Variants in PRDM16 observed in about 807,000 individuals in gnomAD.
PRDM16 encodes histone-lysine N-methyltransferase PRDM16.
In PRDM16, 23 loss-of-function variants were observed where a neutral mutation model predicts 110.6. That is an observed-to-expected ratio of 0.21 (90% CI 0.15 to 0.29). The LOEUF (loss-of-function observed/expected upper bound fraction) is 0.29. Among genes scored for constraint, PRDM16 ranks in the 10% least tolerant of loss-of-function variants. The probability of loss-of-function intolerance (pLI) is 1.00; values close to 1 mark genes in which losing one functional copy is unlikely to be tolerated. For synonymous variants in PRDM16, 799 were observed against 781.8 expected, an observed-to-expected ratio of 1.02 and a Z score of -0.37; for missense variants, 1,615 against 1,794.3, an observed-to-expected ratio of 0.90 and a Z score of 1.81.
intron 12 of PRDM16, among the ~76,000 whole-genome samples, chr1:3,420,815 G>A (rs982446228): frequency 1.3e-5 from 2 of 152,178 alleles, no homozygotes; most frequent in South Asian, 4.1e-4. Flanking sequence ...ATTGAACTGG[G>A]AGTGGGGAGA....
rs1642536244 is a variant in PRDM16 at position 3,353,562 on chromosome 1, G to A, written c.439-31590G>A. On this transcript the variant is annotated intron_variant, in intron 3 of 16. Coordinates refer to ENST00000270722, the MANE Select transcript of PRDM16 (RefSeq NM_022114.4). The surrounding 1 kb of genome is among the most constrained non-coding windows in gnomAD (Gnocchi z 5.4). ...CCGTTACACTCCAGCCAAGTACTGGGGGCCACGGGCTGAGGGCACAGGCCA... is the reference window on the plus strand; with the variant it reads ...CCGTTACACTCCAGCCAAGTACTGGAGGCCACGGGCTGAGGGCACAGGCCA... Among the ~76,000 whole-genome samples, 1 of 152,190 alleles carries A rather than the reference G, an allele frequency of 6.6e-6. No individual in the cohort carries two copies. Among genetic ancestry groups the A allele is most frequent in the African/African-American group, 2.4e-5 (1 of 41,460 alleles).
chr1:3,086,917 A>G (rs535460896), intron 1 of PRDM16, among the ~76,000 whole-genome samples: 28 of 152,296 alleles, frequency 1.8e-4, no homozygotes, highest in Admixed American at 1.4e-3. Flanking sequence ...GAATTCCGCA[A>G]TCTAAACATG....
chr1:3,422,687 G>A (rs1408131033), intron 12 of PRDM16, among the ~76,000 whole-genome samples: 5 of 152,256 alleles, frequency 3.3e-5, no homozygotes, highest in African/African-American at 9.6e-5. Context: ...GGGACACGTC[G>A]GGTAGGGGGG....
rs376891320 is a variant in PRDM16 at position 3,411,594 on chromosome 1, G to T, written c.1397G>T (p.Ser466Ile). The T allele has an allele frequency of 6.8e-6, 11 of 1,613,934 alleles. No homozygotes were observed. Among genetic ancestry groups the T allele is most frequent in the Non-Finnish European group, 9.3e-6 (11 of 1,180,004 alleles). The change falls in exon 9 of 17, where the codon AGC becomes ATC. Residue 466 changes from serine to isoleucine, a missense_variant. By Grantham distance (142) the Ser-to-Ile change is moderately radical. Around this residue, in one of 5 missense-constraint regions of PRDM16, gnomAD observed 772 missense variants for 748.3 expected, o/e 1.03. Coordinates refer to ENST00000270722, the MANE Select transcript of PRDM16 (RefSeq NM_022114.4). ...GCCCCGGGCCTGCCCTTGACCCCCA[G>T]CCCCATGATGGACAAGGCAAAACCC... The part of the protein sequence containing the change: ...IFAPGLPLTP[S>I]PMMDKAKPSP...
chr1:3,303,714 C>T (rs1354391297), intron 3 of PRDM16, among the ~76,000 whole-genome samples: 1 of 152,254 alleles, frequency 6.6e-6, no homozygotes, highest in Admixed American at 6.5e-5. Context: ...CACATCCTTG[C>T]AGACGCCCGC....
At chr1:3,405,990 C>G (rs946423634) in intron 8 of PRDM16, among the ~76,000 whole-genome samples, 20 of 152,174 alleles carry the variant, frequency 1.3e-4, no homozygotes, top group Non-Finnish European at 2.4e-4. Context: ...TCCCGTCCCC[C>G]GAACTCACTC....
chr1:3,250,586 C>T (rs1569926743), intron 3 of PRDM16, among the ~76,000 whole-genome samples: 1 of 152,246 alleles, frequency 6.6e-6, no homozygotes, highest in Non-Finnish European at 1.5e-5. Flanking sequence ...AGCTAATTAC[C>T]GTCCTATGCA....
rs542901684 is a variant in PRDM16, at chr1:3,122,253, G to A, written c.37+52957G>A. On this transcript the variant is annotated intron_variant, in intron 1 of 16. Coordinates refer to ENST00000270722, the MANE Select transcript of PRDM16 (RefSeq NM_022114.4). ...GTGCCCCTTCTAACAATTTCTAATC[G>A]ACCCTTGAGATGCTGGGCCCTCGAC... 4.6e-5 allele frequency among the ~76,000 whole-genome samples: 7 copies of A among 152,124 alleles called. No individual in the cohort carries two copies. In the South Asian group the frequency reaches 1.0e-3, roughly 23 times the overall value.
chr1:3,186,671 T>G, intron 2 of PRDM16, 197 bp downstream of exon 2: 1 of 525,992 alleles, frequency 1.9e-6, no homozygotes, highest in South Asian at 3.1e-5. Context: ...TCCTCGTGGG[T>G]GCCTGTCAGC....
At chr1:3,250,225 C>G (rs1334527272) in intron 3 of PRDM16, among the ~76,000 whole-genome samples, 1 of 151,820 alleles carries the variant, frequency 6.6e-6, no homozygotes, top group Non-Finnish European at 1.5e-5. Context: ...AGAAATCAGG[C>G]CTGAGGGAGG....
chr1:3,267,174 A>G (rs1309262472), intron 3 of PRDM16, among the ~76,000 whole-genome samples: 1 of 152,050 alleles, frequency 6.6e-6, no homozygotes, highest in Non-Finnish European at 1.5e-5. Context: ...AGCCACGCCC[A>G]TCCCCTCTCT....
At position 3,425,323 on chromosome 1, in the gene PRDM16, C is replaced by A. The variant is rs1400512358; in HGVS notation, c.2940-258C>A. The A allele has an allele frequency of 1.4e-5, 5 of 345,574 alleles. No homozygotes were observed. Among genetic ancestry groups the A allele is most frequent in the Non-Finnish European group, 1.6e-5 (3 of 187,886 alleles). The allele number at this position is 345,574 out of a possible 1,614,324, so 21.4% of individuals were successfully genotyped here. On this transcript the variant is annotated intron_variant, in intron 12 of 16. Transcript: ENST00000270722. The surrounding 1 kb of genome is among the most constrained non-coding windows in gnomAD (Gnocchi z 6.9). The stretch of plus-strand genomic sequence containing the variant: ...TCGATCTCCTGACCTCGTGATCCAC[C>A]CGCCTTGGCCTCCCAAAGTGCTGTG...
chr1:3,401,389 T>C (rs921469481), intron 5 of PRDM16, among the ~76,000 whole-genome samples: 1 of 152,216 alleles, frequency 6.6e-6, no homozygotes, highest in Non-Finnish European at 1.5e-5. Context: ...CTCTGCTCAA[T>C]GCTGGGCACT....
intron 1 of PRDM16, among the ~76,000 whole-genome samples, chr1:3,073,900 C>G (rs1046486894): frequency 1.3e-5 from 2 of 152,180 alleles, no homozygotes; most frequent in Non-Finnish European, 2.9e-5. Context: ...TCCCCAACCG[C>G]CGACCCTCGA....
chr1:3,106,162 TG>T (rs1215119347), intron 1 of PRDM16, among the ~76,000 whole-genome samples: 4 of 137,308 alleles, frequency 2.9e-5, no homozygotes, highest in Non-Finnish European at 6.4e-5. Context: ...GGGCGGGGTA[TG>T]GGGGGAAGCC....
intron 3 of PRDM16, among the ~76,000 whole-genome samples, chr1:3,275,450 A>C (rs1640561354): frequency 6.6e-6 from 1 of 152,130 alleles, no homozygotes; most frequent in African/African-American, 2.4e-5. Context: ...CCCAAGATGA[A>C]AGGGCAAGGA....
At chr1:3,325,632 G>A (rs1641871422) in intron 3 of PRDM16, among the ~76,000 whole-genome samples, 1 of 152,234 alleles carries the variant, frequency 6.6e-6, no homozygotes, top group Admixed American at 6.5e-5. Flanking sequence ...CAGTTCTACA[G>A]ACCCGAAGCC....
At chr1:3,086,729 G>T (rs1274533611) in intron 1 of PRDM16, among the ~76,000 whole-genome samples, 1 of 152,210 alleles carries the variant, frequency 6.6e-6, no homozygotes, top group Non-Finnish European at 1.5e-5. Flanking sequence ...TCCTTTCGGA[G>T]CTAACGAGTG....
chr1:3,376,356 C>CT (rs1642990006), intron 3 of PRDM16, among the ~76,000 whole-genome samples: 1 of 152,228 alleles, frequency 6.6e-6, no homozygotes, highest in Non-Finnish European at 1.5e-5. Context: ...CAGAGCCCCC[C>CT]AGGCGTGGAC....
Sources: allele counts gnomAD v4.1 joint callset (sites outside exome capture counted in the v4.1 genomes callset), GRCh38; gene constraint gnomAD v4.1.1; regional missense constraint gnomAD v4.1.1; non-coding constraint Gnocchi (gnomAD v3.1); transcripts MANE v1.5; gene names NCBI Gene and HGNC (gene_info 2026-07-23, HGNC 2026-07-21).